The following CELF2 variants were observed in gnomAD, a reference collection of about 807,000 sequenced individuals.
The protein encoded by CELF2 is CUG triplet repeat RNA-binding protein 2.
A neutral mutation model predicts 62.6 loss-of-function variants in CELF2; 8 were observed. The ratio of observed to expected loss-of-function variants is 0.13; its 90% CI spans 0.07 to 0.23. The LOEUF (loss-of-function observed/expected upper bound fraction) is 0.23. CELF2 is among the 10% of genes least tolerant of loss of function. The pLI, the probability that CELF2 is intolerant of heterozygous loss-of-function variation, is 1.00. For missense variants in CELF2, 333 were observed against 671.0 expected (o/e 0.50, Z 5.56); for synonymous variants, 258 against 250.0 (o/e 1.03, Z -0.30).
chr10:10,804,827 T>G (rs937472707), intron 1 of CELF2, among the ~76,000 whole-genome samples: 1 of 152,178 alleles, frequency 6.6e-6, no homozygotes, highest in African/African-American at 2.4e-5. Flanking sequence ...CATTTCTCTT[T>G]CACATGCCGG....
the CELF2 span, among the ~76,000 whole-genome samples, chr10:10,474,872 A>C: frequency 1.3e-5 from 2 of 152,088 alleles, no homozygotes; most frequent in East Asian, 1.9e-4. Context: ...GGACTAAGAC[A>C]TTAGTTGTGG....
At chr10:11,202,139 G>A (rs1565266631) in intron 2 of CELF2, among the ~76,000 whole-genome samples, 1 of 152,110 alleles carries the variant, frequency 6.6e-6, no homozygotes, top group Non-Finnish European at 1.5e-5. Flanking sequence ...TTGACAGATG[G>A]TGATTCTATG....
the CELF2 span, among the ~76,000 whole-genome samples, chr10:10,658,859 G>T: frequency 6.6e-6 from 1 of 151,824 alleles, no homozygotes; most frequent in Non-Finnish European, 1.5e-5. Context: ...CATCTTGCCT[G>T]GATAACACAG....
At chr10:10,792,777 A>G in the CELF2 span, among the ~76,000 whole-genome samples, 24 of 152,202 alleles carry the variant, frequency 1.6e-4, no homozygotes, top group Non-Finnish European at 4.4e-5. Flanking sequence ...CTCCCATGGC[A>G]GTATAGGAGT....
At chr10:10,736,382 TTCTTTCTTTCTTTC>T in the CELF2 span, among the ~76,000 whole-genome samples, 16,125 of 114,640 alleles carry the variant, frequency 0.14, 1,240 homozygotes, top group Non-Finnish European at 0.19. Flanking sequence ...CTTTCTTTCT[TTCTTTCTTTCTTTC>T]TTTTTTTTTT....
In CELF2 at chr10:11,005,438, A is replaced by G; in HGVS notation, c.51A>G (p.Leu17=). ...CTATGAGAAATGAAGAGCTGCTTTT[A>G]AGGTATGTTGTTGTGTCCTTTGTTT... The change falls in exon 1 of 13, where the codon TTA becomes TTG. Residue 17 remains leucine, a splice_region_variant and synonymous_variant. Transcript: ENST00000416382. The surrounding 1 kb of genome is among the most constrained non-coding windows in gnomAD (Gnocchi z 4.3). 1 of 1,613,944 alleles carries G rather than the reference A, an allele frequency of 6.2e-7. No homozygotes were observed. Among genetic ancestry groups the G allele is most frequent in the South Asian group, 1.1e-5 (1 of 91,078 alleles).
At chr10:11,235,919 C>A (rs2071085232) in intron 3 of CELF2, among the ~76,000 whole-genome samples, 1 of 152,118 alleles carries the variant, frequency 6.6e-6, no homozygotes, top group Admixed American at 6.5e-5. Flanking sequence ...TGTTTTCATT[C>A]ACTCAGTACA....
At position 11,165,144 on chromosome 10, in the gene CELF2, C is replaced by T. The variant is rs1022935313; in HGVS notation, c.75-342C>T. 1.8e-5 allele frequency: 19 copies of T among 1,073,874 alleles called. No homozygotes were observed. Among genetic ancestry groups the T allele is most frequent in the Middle Eastern group, 4.2e-4 (1 of 2,374 alleles). The allele number at this position is 1,073,874 out of a possible 1,614,324, so 66.5% of individuals were successfully genotyped here. On this transcript the variant is annotated intron_variant, in intron 1 of 12. Transcript: ENST00000633077. The surrounding 1 kb of genome is among the most constrained non-coding windows in gnomAD (Gnocchi z 7.4). ...GGGTAGGGCTGATAAGGCGCTGATG[C>T]GTTGATGGCAGCCTTGCAGAGCTAG...
At chr10:10,561,195 T>G in the CELF2 span, among the ~76,000 whole-genome samples, 1 of 152,024 alleles carries the variant, frequency 6.6e-6, no homozygotes, top group Non-Finnish European at 1.5e-5. Context: ...CCTCTTCTAT[T>G]GGAAAAAAAA....
In CELF2 at chr10:11,335,294, T is replaced by G. The variant is rs905354108; in HGVS notation, c.*6241T>G. 11 of 152,362 alleles carry G rather than the reference T, an allele frequency of 7.2e-5. No homozygotes were observed. 9.4% of individuals were successfully genotyped at this position (152,362 alleles called of 1,614,324 possible). A position where few individuals can be genotyped will look rare whatever the true frequency, so the allele number is the denominator to read the frequency against. On this transcript the variant is annotated 3_prime_UTR_variant, in exon 13 of 13. Coordinates refer to ENST00000633077, the MANE Select transcript of CELF2 (RefSeq NM_001326342.2). The surrounding 1 kb of genome is among the most constrained non-coding windows in gnomAD (Gnocchi z 5.0). ...TGCTCTTAAAGTGCTCTTACAAGAT[T>G]CCGTCGATGTTTGCTCCCTCTGTCT...
chr10:10,933,639 C>A (rs1404242421), intron 2 of CELF2, among the ~76,000 whole-genome samples: 1 of 151,870 alleles, frequency 6.6e-6, no homozygotes, highest in Non-Finnish European at 1.5e-5. Context: ...CTATTCTACT[C>A]TCTACTTCTA....
intron 1 of CELF2, among the ~76,000 whole-genome samples, chr10:10,804,140 A>G (rs1394704741): frequency 1.3e-5 from 2 of 152,218 alleles, no homozygotes; most frequent in African/African-American, 4.8e-5. Flanking sequence ...ATTCTTTCTA[A>G]ACAAGAGAAT....
At chr10:10,517,767 G>A in the CELF2 span, among the ~76,000 whole-genome samples, 2 of 152,224 alleles carry the variant, frequency 1.3e-5, no homozygotes, top group South Asian at 4.1e-4. Flanking sequence ...TTCTCAACAG[G>A]AGCTCTGAAG....
At chr10:11,273,162 A>G (rs541562682) in intron 7 of CELF2, among the ~76,000 whole-genome samples, 7 of 152,052 alleles carry the variant, frequency 4.6e-5, no homozygotes, top group Non-Finnish European at 1.0e-4. Flanking sequence ...GTGAAGTCCC[A>G]TAATACCGTC....
At position 10,931,637 on chromosome 10, in the gene CELF2, C is replaced by T. The variant is rs761008575; in HGVS notation, c.89+11638C>T. ...ATTTATTTCCAAATTAGGCTTTCAA[C>T]GTAATAGGTTTCTGCGTATGGTTTA... On this transcript the variant is annotated intron_variant, in intron 2 of 13. Transcript: ENST00000636488. The surrounding 1 kb of genome is among the most constrained non-coding windows in gnomAD (Gnocchi z 6.1). Among the ~76,000 whole-genome samples, 12 of 152,124 alleles carry T rather than the reference C, an allele frequency of 7.9e-5. No homozygotes were observed. Among genetic ancestry groups the T allele is most frequent in the African/African-American group, 1.2e-4 (5 of 41,410 alleles).
chr10:10,900,851 T>C (rs1247266842), intron 1 of CELF2, among the ~76,000 whole-genome samples: 1 of 152,190 alleles, frequency 6.6e-6, no homozygotes, highest in Admixed American at 6.5e-5. Context: ...AAAAAGCTAC[T>C]AGAACTAATA....
intron 2 of CELF2, among the ~76,000 whole-genome samples, chr10:11,194,363 C>G (rs1489213820): frequency 6.6e-6 from 1 of 152,054 alleles, no homozygotes; most frequent in Non-Finnish European, 1.5e-5. Flanking sequence ...CACACCCAGC[C>G]TATTTTTACT....
the CELF2 span, among the ~76,000 whole-genome samples, chr10:10,567,276 G>A: frequency 1.3e-5 from 2 of 152,158 alleles, no homozygotes; most frequent in African/African-American, 2.4e-5. Context: ...CCAACAAACC[G>A]ACCAGGAAAA....
the CELF2 span, among the ~76,000 whole-genome samples, chr10:10,771,219 T>C: frequency 6.6e-6 from 1 of 152,182 alleles, no homozygotes; most frequent in African/African-American, 2.4e-5. Context: ...CCTTTCCCTC[T>C]GGACCCAGTG....
Sources: allele counts gnomAD v4.1 joint callset (sites outside exome capture counted in the v4.1 genomes callset), GRCh38; gene constraint gnomAD v4.1.1; non-coding constraint Gnocchi (gnomAD v3.1); transcripts MANE v1.5; gene names NCBI Gene and HGNC (gene_info 2026-07-23, HGNC 2026-07-21).